SRD5A2: variants seen among roughly 807,000 people sequenced by gnomAD.
SRD5A2 encodes the protein 3-oxo-5-alpha-steroid 4-dehydrogenase 2.
A neutral mutation model predicts 27.4 loss-of-function variants in SRD5A2; 30 were observed. That is an observed-to-expected ratio of 1.10 (90% CI 0.82 to 1.49). The LOEUF is 1.49. SRD5A2 is among the 40% of genes most tolerant of loss of function. The pLI, the probability that SRD5A2 is intolerant of heterozygous loss-of-function variation, is 0.00. For missense variants in SRD5A2, 348 were observed against 323.4 expected, an observed-to-expected ratio of 1.08 and a Z score of -0.58; for synonymous variants, 141 against 133.6, an observed-to-expected ratio of 1.06 and a Z score of -0.38.
At chr2:31,622,723 A>G in the SRD5A2 span, among the ~76,000 whole-genome samples, 1 of 152,064 alleles carries the variant, frequency 6.6e-6, no homozygotes, top group African/African-American at 2.4e-5. Context: ...ACCACCATAT[A>G]GTGACCATGA....
intron 1 of SRD5A2, among the ~76,000 whole-genome samples, chr2:31,562,316 T>A (rs911432643): frequency 2.0e-5 from 3 of 152,134 alleles, no homozygotes; most frequent in African/African-American, 7.2e-5. Context: ...AAGGATGCAA[T>A]GTGTAATAAT....
chr2:31,657,595 C>A, the SRD5A2 span, among the ~76,000 whole-genome samples: 1 of 152,076 alleles, frequency 6.6e-6, no homozygotes, highest in African/African-American at 2.4e-5. Context: ...TTTAATAAAG[C>A]AACTACCACA....
intron 1 of SRD5A2, among the ~76,000 whole-genome samples, chr2:31,563,749 G>A (rs1365254343): frequency 1.3e-5 from 2 of 152,086 alleles, no homozygotes; most frequent in African/African-American, 4.8e-5. Context: ...AAAGGGAACA[G>A]TATCCAGTGA....
At chr2:31,605,455 A>G in the SRD5A2 span, among the ~76,000 whole-genome samples, 6 of 146,402 alleles carry the variant, frequency 4.1e-5, no homozygotes, top group Non-Finnish European at 7.5e-5. Flanking sequence ...AGGAAAAAAA[A>G]CCTAATAACT....
At chr2:31,540,133 T>C (rs540566644) in intron 1 of SRD5A2, among the ~76,000 whole-genome samples, 1 of 152,216 alleles carries the variant, frequency 6.6e-6, no homozygotes, top group East Asian at 1.9e-4. Context: ...AAATTGTGCA[T>C]ATATAATTTA....
the SRD5A2 span, among the ~76,000 whole-genome samples, chr2:31,635,641 G>A: frequency 2.0e-5 from 3 of 152,004 alleles, no homozygotes; most frequent in Non-Finnish European, 4.4e-5. Flanking sequence ...CCAGACCAAC[G>A]TCCTAGAACA....
At chr2:31,551,622 C>T (rs1364648125) in intron 1 of SRD5A2, among the ~76,000 whole-genome samples, 1 of 152,134 alleles carries the variant, frequency 6.6e-6, no homozygotes, top group Admixed American at 6.5e-5. Flanking sequence ...TGTGTGGACA[C>T]TGCGTATGGT....
At chr2:31,639,451 G>T in the SRD5A2 span, among the ~76,000 whole-genome samples, 1 of 152,022 alleles carries the variant, frequency 6.6e-6, no homozygotes, top group South Asian at 2.1e-4. Flanking sequence ...ACCTTGAAAA[G>T]TTTCCTTTCA....
the SRD5A2 span, among the ~76,000 whole-genome samples, chr2:31,606,168 G>C: frequency 6.6e-6 from 1 of 151,844 alleles, no homozygotes; most frequent in Non-Finnish European, 1.5e-5. Context: ...GTGGGTGGTG[G>C]AAAGGAGATA....
chr2:31,607,596 T>G, the SRD5A2 span, among the ~76,000 whole-genome samples: 1 of 151,722 alleles, frequency 6.6e-6, no homozygotes, highest in Non-Finnish European at 1.5e-5. Flanking sequence ...AAACAAAATA[T>G]AAGAGGATTC....
At chr2:31,609,805 G>C in the SRD5A2 span, among the ~76,000 whole-genome samples, 1 of 151,926 alleles carries the variant, frequency 6.6e-6, no homozygotes, top group African/African-American at 2.4e-5. Context: ...CCCACAAAAT[G>C]GGAGAAATAT....
At chr2:31,574,657 A>T (rs1449614642) in intron 1 of SRD5A2, among the ~76,000 whole-genome samples, 4 of 152,242 alleles carry the variant, frequency 2.6e-5, no homozygotes, top group Admixed American at 1.3e-4. Context: ...CTTAGAACCC[A>T]AGAATTCTCA....
At chr2:31,597,382 T>TAA in the SRD5A2 span, among the ~76,000 whole-genome samples, 3 of 146,458 alleles carry the variant, frequency 2.0e-5, no homozygotes, top group Admixed American at 6.8e-5. Context: ...GAAGATAAAA[T>TAA]AAAAAAAAAA....
the SRD5A2 span, among the ~76,000 whole-genome samples, chr2:31,641,623 C>T: frequency 1.3e-5 from 2 of 151,960 alleles, no homozygotes; most frequent in Admixed American, 1.3e-4. Context: ...AGATTATGAA[C>T]ACGTGGTATT....
At chr2:31,543,738 C>T (rs1488306954) in intron 1 of SRD5A2, among the ~76,000 whole-genome samples, 2 of 152,016 alleles carry the variant, frequency 1.3e-5, no homozygotes, top group African/African-American at 2.4e-5. Flanking sequence ...CCAATGGTAA[C>T]TGCAAAGAAA....
chr2:31,581,042 C>G, upstream of SRD5A2: 1 of 885,794 alleles, frequency 1.1e-6, no homozygotes, highest in Non-Finnish European at 1.6e-6. Context: ...CCCACCTCGC[C>G]GCGTCCAGCC....
chr2:31,650,255 G>A, the SRD5A2 span, among the ~76,000 whole-genome samples: 1 of 152,242 alleles, frequency 6.6e-6, no homozygotes, highest in Non-Finnish European at 1.5e-5. Context: ...GAGATGGTGA[G>A]ATAGGTTTAT....
At chr2:31,634,704 C>T in the SRD5A2 span, among the ~76,000 whole-genome samples, 30 of 152,184 alleles carry the variant, frequency 2.0e-4, no homozygotes, top group African/African-American at 7.0e-4. Flanking sequence ...CCCTTCCCAG[C>T]CTCTGGTAAC....
At chr2:31,569,742 T>A (rs1666815350) in intron 1 of SRD5A2, among the ~76,000 whole-genome samples, 1 of 149,792 alleles carries the variant, frequency 6.7e-6, no homozygotes, top group Non-Finnish European at 1.5e-5. Context: ...AAAAATTAAT[T>A]CAAAATGTGT....
Sources: allele counts gnomAD v4.1 joint callset (sites outside exome capture counted in the v4.1 genomes callset), GRCh38; gene constraint gnomAD v4.1.1; transcripts MANE v1.5; gene names NCBI Gene and HGNC (gene_info 2026-07-23, HGNC 2026-07-21).